SEMA3C: variants seen among roughly 807,000 people sequenced by gnomAD.
SEMA3C encodes the protein semaphorin 3C, also known as semaphorin-3C.
Under a neutral mutation model 89.4 loss-of-function variants are expected in SEMA3C, and 47 were observed. The ratio of observed to expected loss-of-function variants is 0.53; its 90% confidence interval spans 0.42 to 0.67. The LOEUF (loss-of-function observed/expected upper bound fraction) is 0.67. Among genes scored for constraint, SEMA3C ranks in the 30% least tolerant of loss-of-function variants. The pLI, the probability that SEMA3C is intolerant of heterozygous loss-of-function variation, is 0.00. For synonymous variants in SEMA3C, 310 were observed against 320.2 expected (o/e 0.97, Z 0.34); for missense variants, 839 against 929.1 (o/e 0.90, Z 1.26).
chr7:80,843,876 A>T (rs1212078543), intron 2 of SEMA3C, among the ~76,000 whole-genome samples: 1 of 152,178 alleles, frequency 6.6e-6, no homozygotes, highest in Non-Finnish European at 1.5e-5. Context: ...CTCTTTACCC[A>T]GTCTGCCTAA....
chr7:80,913,460 T>C (rs142285696), intron 2 of SEMA3C, among the ~76,000 whole-genome samples: 176 of 152,320 alleles, frequency 1.2e-3, no homozygotes, highest in African/African-American at 4.0e-3. Flanking sequence ...AGTCATAAAA[T>C]ACCTATTTCC....
At position 80,804,134 on chromosome 7, in the gene SEMA3C, ATC is replaced by A; in HGVS notation, c.771_772del (p.Gln257HisfsTer11). 6.2e-7 allele frequency: 1 copy of A among 1,612,640 alleles called. No homozygotes were observed. Among genetic ancestry groups the A allele is most frequent in the Non-Finnish European group, 8.5e-7 (1 of 1,179,086 alleles). ...ACATATTCGAGCAATCATGGAATGA[ATC>A]TGTTTCGTGCTCCTGTTATTGTCAG... On this transcript the variant is annotated frameshift_variant, in exon 8 of 18. Coordinates refer to ENST00000265361, the MANE Select transcript of SEMA3C (RefSeq NM_006379.5). LOFTEE classifies it high-confidence loss of function.
chr7:80,790,967 T>C (rs530201658), intron 11 of SEMA3C, among the ~76,000 whole-genome samples: 7 of 151,532 alleles, frequency 4.6e-5, no homozygotes, highest in Non-Finnish European at 1.0e-4. Context: ...TATCATTGAT[T>C]GTATCTGGCC....
intron 2 of SEMA3C, among the ~76,000 whole-genome samples, chr7:80,915,185 G>GGAGGAA (rs1412317611): frequency 6.6e-6 from 1 of 152,110 alleles, no homozygotes; most frequent in Admixed American, 6.5e-5. Flanking sequence ...TTCTAACTTG[G>GGAGGAA]GAGGAAAAGT....
chr7:80,818,666 TA>T (rs1789671402), intron 4 of SEMA3C, among the ~76,000 whole-genome samples: 2 of 101,204 alleles, frequency 2.0e-5, no homozygotes. Flanking sequence ...AAAATAAAAA[TA>T]AAAATCCCCC....
chr7:80,874,815 T>C (rs1791161278), intron 2 of SEMA3C, among the ~76,000 whole-genome samples: 1 of 151,966 alleles, frequency 6.6e-6, no homozygotes, highest in Non-Finnish European at 1.5e-5. Flanking sequence ...ATCTGTAAAA[T>C]GGTGTTTTAA....
intron 2 of SEMA3C, among the ~76,000 whole-genome samples, chr7:80,887,071 C>A (rs567448012): frequency 6.6e-6 from 1 of 152,032 alleles, no homozygotes; most frequent in East Asian, 1.9e-4. Flanking sequence ...ATATAGTTAC[C>A]AGGGAGTGAA....
At chr7:80,768,103 A>T (rs1288103896) in intron 12 of SEMA3C, among the ~76,000 whole-genome samples, 1 of 152,244 alleles carries the variant, frequency 6.6e-6, no homozygotes, top group Non-Finnish European at 1.5e-5. Context: ...GTAATTTAAA[A>T]TTCACTTCTT....
At chr7:80,758,292 T>C in intron 15 of SEMA3C, 39 bp downstream of exon 15, 1 of 1,590,386 alleles carries the variant, frequency 6.3e-7, no homozygotes, top group Non-Finnish European at 8.6e-7. Context: ...TTGTCTGGTG[T>C]CCTACATTTG....
At chr7:80,899,276 G>A (rs1037605969) in intron 2 of SEMA3C, among the ~76,000 whole-genome samples, 1 of 152,094 alleles carries the variant, frequency 6.6e-6, no homozygotes, top group East Asian at 1.9e-4. Context: ...CCTGACCTCA[G>A]GTAATCCGCC....
intron 2 of SEMA3C, among the ~76,000 whole-genome samples, chr7:80,857,409 CA>C (rs2115969896): frequency 6.6e-6 from 1 of 152,164 alleles, no homozygotes; most frequent in East Asian, 1.9e-4. Context: ...CAAGAAATTA[CA>C]AAAACGAGAA....
chr7:80,763,449 C>A (rs1185668639), intron 13 of SEMA3C, among the ~76,000 whole-genome samples: 5 of 152,126 alleles, frequency 3.3e-5, no homozygotes, highest in Non-Finnish European at 5.9e-5. Context: ...AGTAAGAAAA[C>A]TCAGACTTTT....
intron 15 of SEMA3C, among the ~76,000 whole-genome samples, chr7:80,754,126 G>T (rs371673091): frequency 4.4e-4 from 67 of 152,218 alleles, no homozygotes; most frequent in African/African-American, 1.3e-3. Context: ...TAGTAGAGAC[G>T]GGGTTTCACC....
intron 17 of SEMA3C, among the ~76,000 whole-genome samples, chr7:80,746,276 A>G (rs546177634): frequency 1.3e-5 from 2 of 152,308 alleles, no homozygotes; most frequent in Admixed American, 1.3e-4. Context: ...GTGCACAAAA[A>G]AAGCACAAAA....
At position 80,805,369 on chromosome 7, in the gene SEMA3C, A is replaced by C. The variant is rs577177025; in HGVS notation, c.658+270T>G. Among the ~76,000 whole-genome samples, 14 of 152,226 alleles carry C rather than the reference A, an allele frequency of 9.2e-5. No homozygotes were observed. The South Asian group carries it at 2.5e-3, about 27-fold the overall frequency. On this transcript the variant is annotated intron_variant, in intron 7 of 17. Coordinates refer to ENST00000265361, the MANE Select transcript of SEMA3C (RefSeq NM_006379.5). ...ACTGGAGAAGATGCTTGGGTACTGA[A>C]ATATAAATTATCACTGTCACTTTTA...
chr7:80,750,891 T>C (rs1266810345), intron 16 of SEMA3C, among the ~76,000 whole-genome samples: 3 of 152,092 alleles, frequency 2.0e-5, no homozygotes, highest in Non-Finnish European at 4.4e-5. Context: ...AAATAGTAAA[T>C]TTTATGTTAT....
At chr7:80,805,963 C>T (rs1361258906) in intron 6 of SEMA3C, among the ~76,000 whole-genome samples, 2 of 151,836 alleles carry the variant, frequency 1.3e-5, no homozygotes, top group African/African-American at 4.8e-5. Context: ...ATGATAATTA[C>T]TATGTTTTTT....
intron 10 of SEMA3C, 90 bp from the exon 11 acceptor site, chr7:80,798,326 TAATATA>T: frequency 4.4e-6 from 5 of 1,132,798 alleles, no homozygotes; most frequent in Non-Finnish European, 5.8e-6. Flanking sequence ...GATAAAAAGT[TAATATA>T]ATCCACCATA....
chr7:80,761,760 T>C, intron 13 of SEMA3C, 103 bp from the exon 14 acceptor site: 1 of 628,682 alleles, frequency 1.6e-6, no homozygotes, highest in Non-Finnish European at 2.7e-6. Flanking sequence ...ATCACTTTTC[T>C]TTATATATAC....
Sources: allele counts gnomAD v4.1 joint callset (sites outside exome capture counted in the v4.1 genomes callset), GRCh38; gene constraint gnomAD v4.1.1; transcripts MANE v1.5; gene names NCBI Gene and HGNC (gene_info 2026-07-23, HGNC 2026-07-21).